SPRED1: variants seen among roughly 807,000 people sequenced by gnomAD.
SPRED1 encodes sprouty related EVH1 domain containing 1, also known as sprouty-related, EVH1 domain-containing protein 1.
A neutral mutation model predicts 52.3 loss-of-function variants in SPRED1; 18 were observed. That is an observed-to-expected ratio of 0.34 (90% CI 0.24 to 0.51). The LOEUF is 0.51. Ranked by LOEUF, SPRED1 falls within the 20% of genes least tolerant of loss-of-function variation. SPRED1 has a pLI of 0.97. For synonymous variants in SPRED1, 155 were observed against 179.7 expected (o/e 0.86, Z 1.10); for missense variants, 485 against 551.0 (o/e 0.88, Z 1.20).
chr15:38,338,859 G>A (rs940087501), intron 4 of SPRED1, among the ~76,000 whole-genome samples: 4 of 151,818 alleles, frequency 2.6e-5, no homozygotes, highest in Admixed American at 6.6e-5. Flanking sequence ...GTTAATTTTA[G>A]AAGTAGCACC....
At chr15:38,278,119 A>C (rs1894599648) in intron 1 of SPRED1, among the ~76,000 whole-genome samples, 1 of 152,162 alleles carries the variant, frequency 6.6e-6, no homozygotes, top group South Asian at 2.1e-4. Flanking sequence ...GTGTTTATTC[A>C]CTAGCAGTAA....
chr15:38,292,545 G>T (rs923408287), intron 1 of SPRED1, among the ~76,000 whole-genome samples: 5 of 152,144 alleles, frequency 3.3e-5, no homozygotes, highest in Non-Finnish European at 7.4e-5. Flanking sequence ...GGAGGCGAAA[G>T]GCATTTATAT....
At chr15:38,297,061 A>C (rs897452455) in intron 1 of SPRED1, among the ~76,000 whole-genome samples, 1 of 152,138 alleles carries the variant, frequency 6.6e-6, no homozygotes, top group African/African-American at 2.4e-5. Flanking sequence ...CCAGACAATG[A>C]ACCTACTGGT....
At chr15:38,297,055 A>G (rs1252625276) in intron 1 of SPRED1, among the ~76,000 whole-genome samples, 2 of 152,098 alleles carry the variant, frequency 1.3e-5, no homozygotes, top group Non-Finnish European at 2.9e-5. Flanking sequence ...CTCTTTCCAG[A>G]CAATGAACCT....
chr15:38,324,880 A>G, intron 4 of SPRED1, 71 bp downstream of exon 4: 1 of 1,211,124 alleles, frequency 8.3e-7, no homozygotes, highest in Admixed American at 1.8e-5. Context: ...TATTCAATAA[A>G]CTTATCAATT....
At chr15:38,345,856 C>A (rs936481967) in intron 5 of SPRED1, among the ~76,000 whole-genome samples, 5 of 152,112 alleles carry the variant, frequency 3.3e-5, no homozygotes, top group Admixed American at 2.6e-4. Context: ...TCAAGGGTTT[C>A]ACTGTACAGA....
chr15:38,253,093 C>G lies in SPRED1; in HGVS notation c.-93C>G. 8.6e-7 allele frequency: 1 copy of G among 1,158,400 alleles called. No individual in the cohort carries two copies. The highest frequency in any genetic ancestry group is 1.3e-6 in the Non-Finnish European group (1 of 794,178). The allele number at this position is 1,158,400 out of a possible 1,614,324, so 71.8% of individuals were successfully genotyped here. Reference sequence around the variant, plus strand: ...CTGTGCCGCTGCCCCCGCGCCCCCCCGGCCGCCGCTGCCTCCTGCCCCTCG... The same window carrying G: ...CTGTGCCGCTGCCCCCGCGCCCCCCGGGCCGCCGCTGCCTCCTGCCCCTCG... On this transcript the variant is annotated 5_prime_UTR_variant, in exon 1 of 7. Coordinates refer to ENST00000299084, the MANE Select transcript of SPRED1 (RefSeq NM_152594.3).
intron 1 of SPRED1, among the ~76,000 whole-genome samples, chr15:38,269,957 G>T (rs1318829477): frequency 6.8e-6 from 1 of 146,640 alleles, no homozygotes. Context: ...TCCCAGGCTG[G>T]AGTGCAGTGG....
intron 1 of SPRED1, among the ~76,000 whole-genome samples, chr15:38,274,626 G>A (rs777809509): frequency 2.0e-5 from 3 of 152,082 alleles, no homozygotes; most frequent in African/African-American, 4.8e-5. Flanking sequence ...GGCAATATTC[G>A]TATCTATTGA....
chr15:38,281,704 T>C (rs1308496227), intron 1 of SPRED1, among the ~76,000 whole-genome samples: 2 of 151,946 alleles, frequency 1.3e-5, no homozygotes, highest in East Asian at 3.8e-4. Flanking sequence ...GCCTTTTGAT[T>C]TTTATGCATG....
At chr15:38,280,727 A>G (rs1376812645) in intron 1 of SPRED1, among the ~76,000 whole-genome samples, 1 of 152,332 alleles carries the variant, frequency 6.6e-6, no homozygotes, top group East Asian at 1.9e-4. Context: ...TTGCCAAACC[A>G]CAATTTAGAA....
In SPRED1 at chr15:38,267,318, G is replaced by A. The variant is rs189970599; in HGVS notation, c.32+14101G>A. On this transcript the variant is annotated intron_variant, in intron 1 of 6. Transcript: ENST00000299084. ...CTTTAAAGAACACTTTAGGTTTCCA[G>A]CTCTTTGCTATTACAAATAACATTT... is the stretch of plus-strand genomic sequence containing the variant. Among the ~76,000 whole-genome samples the A allele has an allele frequency of 4.4e-4, 67 of 152,174 alleles. No homozygotes were observed. In the East Asian group the frequency reaches 9.8e-3, roughly 22 times the overall value.
intron 4 of SPRED1, among the ~76,000 whole-genome samples, chr15:38,325,223 C>T (rs1266510491): frequency 2.6e-5 from 4 of 152,098 alleles, no homozygotes; most frequent in Non-Finnish European, 4.4e-5. Context: ...ACTAAAAATG[C>T]AGTCAGAATT....
intron 1 of SPRED1, among the ~76,000 whole-genome samples, chr15:38,271,612 T>C (rs1344241237): frequency 1.3e-5 from 2 of 152,222 alleles, no homozygotes; most frequent in Non-Finnish European, 2.9e-5. Flanking sequence ...CATCGTGCAG[T>C]TCTCAACCTA....
chr15:38,301,356 A>G (rs1895146186), intron 2 of SPRED1, among the ~76,000 whole-genome samples: 1 of 152,188 alleles, frequency 6.6e-6, no homozygotes, highest in Non-Finnish European at 1.5e-5. Flanking sequence ...TGATAGACTA[A>G]TAAGAAAATA....
At chr15:38,316,201 C>A (rs923608676) in intron 2 of SPRED1, among the ~76,000 whole-genome samples, 5 of 151,832 alleles carry the variant, frequency 3.3e-5, no homozygotes, top group Admixed American at 2.6e-4. Context: ...ATAAGGAAAC[C>A]GTTTGTTTTC....
In SPRED1 at chr15:38,351,758, T is replaced by G. The variant is rs1020286096; in HGVS notation, c.*94T>G. ...GCTTTTGGCAAGCAATATGGAATCT[T>G]GCCTGGTATCATTGAGCCCACACAT... On this transcript the variant is annotated 3_prime_UTR_variant, in exon 7 of 7. Transcript: ENST00000299084. The G allele has an allele frequency of 2.8e-6, 4 of 1,452,482 alleles. No individual in the cohort carries two copies. The highest frequency in any genetic ancestry group is 3.8e-6 in the Non-Finnish European group (4 of 1,063,236). The allele number at this position is 1,452,482 out of a possible 1,614,324, so 90.0% of individuals were successfully genotyped here. A position where few individuals can be genotyped will look rare whatever the true frequency, so the allele number is the denominator to read the frequency against.
At chr15:38,345,243 A>C (rs534750653) in intron 5 of SPRED1, among the ~76,000 whole-genome samples, 3 of 152,374 alleles carry the variant, frequency 2.0e-5, no homozygotes, top group African/African-American at 7.2e-5. Flanking sequence ...AAATCAGAAC[A>C]TAAAATTTTA....
intron 2 of SPRED1, among the ~76,000 whole-genome samples, chr15:38,318,560 T>C (rs756587561): frequency 3.3e-5 from 5 of 152,122 alleles, no homozygotes; most frequent in African/African-American, 4.8e-5. Flanking sequence ...ATGTACTCAA[T>C]AGGTTTTGAA....
Sources: gnomAD v4.1 joint callset for allele counts (sites outside exome capture counted in the v4.1 genomes callset) on GRCh38, gnomAD v4.1.1 for gene constraint, MANE v1.5 for transcripts, NCBI Gene and HGNC (gene_info 2026-07-23, HGNC 2026-07-21) for gene names.